DENND1A: variants seen among roughly 807,000 people sequenced by gnomAD.
DENND1A encodes DENN domain-containing protein 1A.
A neutral mutation model predicts 113.7 loss-of-function variants in DENND1A; 51 were observed. That is an observed-to-expected ratio of 0.45 (90% CI 0.36 to 0.57). The LOEUF is 0.57. DENND1A is among the 20% of genes least tolerant of loss of function. DENND1A has a pLI of 0.00. For missense variants in DENND1A, 1,258 were observed against 1,395.9 expected, an observed-to-expected ratio of 0.90 and a Z score of 1.57; for synonymous variants, 565 against 570.8, an observed-to-expected ratio of 0.99 and a Z score of 0.14.
chr9:123,586,168 T>C (rs1425216175), intron 11 of DENND1A, among the ~76,000 whole-genome samples: 2 of 152,046 alleles, frequency 1.3e-5, no homozygotes, highest in Non-Finnish European at 2.9e-5. Context: ...TCAACTACTT[T>C]GCCTCATCTG....
rs1479713407 is a variant in DENND1A at position 123,764,223 on chromosome 9, AGTAG to A, written c.182+5287_182+5290del. Among the ~76,000 whole-genome samples, 6 of 152,224 alleles carry A rather than the reference AGTAG, an allele frequency of 3.9e-5. No individual in the cohort carries two copies. The South Asian group carries it at 6.2e-4, about 16-fold the overall frequency. ...AATGTATACAAGATAACTAGCATAT[AGTAG>A]GTACCTGACAAAAATGATCATCACT... On this transcript the variant is annotated intron_variant, in intron 4 of 23. Transcript: ENST00000394215. The surrounding 1 kb of genome is among the most constrained non-coding windows in gnomAD (Gnocchi z 4.1).
At chr9:123,537,062 A>G (rs1323129804) in intron 13 of DENND1A, among the ~76,000 whole-genome samples, 2 of 152,234 alleles carry the variant, frequency 1.3e-5, no homozygotes, top group Non-Finnish European at 2.9e-5. Flanking sequence ...CCTGAGAGGT[A>G]TGCCCACAAA....
chr9:123,654,285 G>A lies in DENND1A; in HGVS notation c.508-2162C>T, dbSNP rs146927963. Among the ~76,000 whole-genome samples the A allele has an allele frequency of 7.4e-4, 112 of 152,276 alleles. 2 individuals carry two copies. In the East Asian group the frequency reaches 0.018, roughly 24 times the overall value. On this transcript the variant is annotated intron_variant, in intron 8 of 23. Coordinates refer to ENST00000394215, the MANE Select transcript of DENND1A (RefSeq NM_001352964.2). ...ATGAATTTTTCTTTTAGGAGAGGAT[G>A]GAAGTAAAAAGAAAATAGAAATGAG...
At chr9:123,477,496 G>T (rs997336531) in intron 13 of DENND1A, among the ~76,000 whole-genome samples, 20 of 151,694 alleles carry the variant, frequency 1.3e-4, no homozygotes, top group Non-Finnish European at 2.9e-4. Flanking sequence ...GGTTAAGGCT[G>T]CAGTGAGCTG....
chr9:123,816,629 T>A (rs147692327), intron 2 of DENND1A, among the ~76,000 whole-genome samples: 3 of 152,174 alleles, frequency 2.0e-5, no homozygotes, highest in African/African-American at 7.2e-5. Context: ...AGAAATCAAT[T>A]TGGAAAAATA....
intron 1 of DENND1A, among the ~76,000 whole-genome samples, chr9:123,926,325 T>C (rs978043612): frequency 2.6e-5 from 4 of 152,112 alleles, no homozygotes; most frequent in Admixed American, 1.3e-4. Flanking sequence ...CCCAGCACTT[T>C]GGGAGGCCAA....
chr9:123,696,180 A>G (rs1433869058), intron 5 of DENND1A, among the ~76,000 whole-genome samples: 1 of 152,198 alleles, frequency 6.6e-6, no homozygotes, highest in African/African-American at 2.4e-5. Flanking sequence ...ACGATTTCAG[A>G]TTTTGTATAA....
At chr9:123,561,985 T>C (rs1589144350) in intron 12 of DENND1A, among the ~76,000 whole-genome samples, 1 of 152,310 alleles carries the variant, frequency 6.6e-6, no homozygotes, top group East Asian at 1.9e-4. Flanking sequence ...TCACCCTCTC[T>C]GGCCCAGACT....
Position 123,671,343 on chromosome 9 carries a change from G to A in DENND1A, c.401C>T (p.Thr134Ile), listed in dbSNP as rs545679026. Residue 134 changes from threonine to isoleucine, a missense_variant, in exon 7 of 24, where the codon ACT becomes ATT. By Grantham distance (89) the Thr-to-Ile change is moderately conservative (BLOSUM62 -1). Transcript: ENST00000394215. ...QENQWNELLE[T>I]LHKLPIPDPG... ...GTCAGGGATGGGAAGTTTGTGCAGA[G>A]TTTCAAGAAGCTCATTCCACTGATT... The A allele has an allele frequency of 6.2e-6, 10 of 1,614,016 alleles. No homozygotes were observed. In the South Asian group the frequency reaches 1.1e-4, roughly 18 times the overall value.
At chr9:123,740,827 T>C (rs1382289446) in intron 5 of DENND1A, among the ~76,000 whole-genome samples, 1 of 149,558 alleles carries the variant, frequency 6.7e-6, no homozygotes, top group Non-Finnish European at 1.5e-5. Flanking sequence ...TAATTAAACA[T>C]GATGGCATCA....
At chr9:123,445,283 A>G (rs2047217647) in intron 18 of DENND1A, among the ~76,000 whole-genome samples, 1 of 152,208 alleles carries the variant, frequency 6.6e-6, no homozygotes, top group Non-Finnish European at 1.5e-5. Flanking sequence ...CTTATGACCC[A>G]GTGATGAAAG....
At chr9:123,599,139 G>A (rs1301686585) in intron 11 of DENND1A, among the ~76,000 whole-genome samples, 2 of 152,148 alleles carry the variant, frequency 1.3e-5, no homozygotes, top group Admixed American at 6.5e-5. Flanking sequence ...ACCTGCAAAG[G>A]CCTGAACTTA....
chr9:123,681,035 T>C (rs7851094), intron 5 of DENND1A, among the ~76,000 whole-genome samples: 9,182 of 151,952 alleles, frequency 0.06, 321 homozygotes, highest in South Asian at 0.091. Flanking sequence ...TGAGGGGTCA[T>C]TGGGCATAGT....
At chr9:123,433,408 C>A (rs2046285716) in intron 19 of DENND1A, among the ~76,000 whole-genome samples, 1 of 152,214 alleles carries the variant, frequency 6.6e-6, no homozygotes, top group Non-Finnish European at 1.5e-5. Context: ...CTCTTCTCTA[C>A]ACATGGATCT....
rs555701936 is a variant in DENND1A at position 123,575,890 on chromosome 9, AT to A, written c.867+7278del. On this transcript the variant is annotated intron_variant, in intron 12 of 23. Transcript: ENST00000394215. Reference sequence around the variant, plus strand: ...TTAAAGTAGAATTCTTACAGAAATTATACAATTGGGTCTTGCTTTTTTATAT... The same window carrying A: ...TTAAAGTAGAATTCTTACAGAAATTAACAATTGGGTCTTGCTTTTTTATAT... 7.2e-5 allele frequency among the ~76,000 whole-genome samples: 11 copies of A among 152,352 alleles called. No individual in the cohort carries two copies. In the South Asian group the frequency reaches 2.1e-3, roughly 29 times the overall value.
intron 2 of DENND1A, among the ~76,000 whole-genome samples, chr9:123,848,136 C>T (rs1842858585): frequency 7.2e-6 from 1 of 139,282 alleles, no homozygotes. Flanking sequence ...GTAAAGATGC[C>T]AATTAAAGTT....
At chr9:123,846,798 T>A (rs1035680003) in intron 2 of DENND1A, among the ~76,000 whole-genome samples, 1 of 152,186 alleles carries the variant, frequency 6.6e-6, no homozygotes, top group East Asian at 1.9e-4. Context: ...CACAACAGTG[T>A]TAAACATAAT....
At chr9:123,918,285 G>C (rs902046476) in intron 1 of DENND1A, among the ~76,000 whole-genome samples, 1 of 150,388 alleles carries the variant, frequency 6.6e-6, no homozygotes, top group African/African-American at 2.4e-5. Flanking sequence ...TCAGGAGATC[G>C]AGACCATCCT....
intron 3 of DENND1A, among the ~76,000 whole-genome samples, chr9:123,771,150 T>C (rs192903909): frequency 1.3e-5 from 2 of 152,322 alleles, no homozygotes; most frequent in East Asian, 1.9e-4. Context: ...TAGTTAACTT[T>C]ATAATGTGGC....
Sources: gnomAD v4.1 joint callset for allele counts (sites outside exome capture counted in the v4.1 genomes callset) on GRCh38, gnomAD v4.1.1 for gene constraint, Gnocchi (gnomAD v3.1) non-coding constraint, MANE v1.5 for transcripts, NCBI Gene and HGNC (gene_info 2026-07-23, HGNC 2026-07-21) for gene names.